Variants in NOVA1 observed in about 807,000 individuals in gnomAD.
NOVA1 encodes RNA-binding protein Nova-1.
A neutral mutation model predicts 38.0 loss-of-function variants in NOVA1; 7 were observed. The ratio of observed to expected loss-of-function variants is 0.18; its 90% CI spans 0.10 to 0.35. The LOEUF (loss-of-function observed/expected upper bound fraction) is 0.35, where lower values mean the gene tolerates loss of function less well. Among genes scored for constraint, NOVA1 ranks in the 10% least tolerant of loss-of-function variants. The pLI, the probability that NOVA1 is intolerant of heterozygous loss-of-function variation, is 1.00. For missense variants in NOVA1, 460 were observed against 616.0 expected (o/e 0.75, Z 2.68); for synonymous variants, 270 against 232.5 (o/e 1.16, Z -1.47).
intron 2 of NOVA1, among the ~76,000 whole-genome samples, chr14:26,498,146 G>A (rs1227960636): frequency 6.6e-6 from 1 of 152,006 alleles, no homozygotes; most frequent in African/African-American, 2.4e-5. Context: ...TGCAAGCTCT[G>A]CCTCCTGGGT....
At chr14:26,458,057 G>A (rs572142823) in intron 4 of NOVA1, among the ~76,000 whole-genome samples, 9 of 152,174 alleles carry the variant, frequency 5.9e-5, no homozygotes, top group Non-Finnish European at 1.2e-4. Flanking sequence ...ACATACATGT[G>A]GCCAACATAC....
intron 2 of NOVA1, among the ~76,000 whole-genome samples, chr14:26,494,526 T>C (rs1259870405): frequency 6.6e-6 from 1 of 152,194 alleles, no homozygotes; most frequent in African/African-American, 2.4e-5. Flanking sequence ...TGGTAAACTG[T>C]AGCCATGAGG....
chr14:26,464,006 T>C (rs146401638), intron 4 of NOVA1, among the ~76,000 whole-genome samples: 248 of 152,300 alleles, frequency 1.6e-3, no homozygotes, highest in Middle Eastern at 3.4e-3. Flanking sequence ...CATTTTACAA[T>C]GAGAAAACAC....
At chr14:26,504,478 AG>A (rs1887477594) in intron 2 of NOVA1, among the ~76,000 whole-genome samples, 1 of 152,204 alleles carries the variant, frequency 6.6e-6, no homozygotes, top group Admixed American at 6.5e-5. Flanking sequence ...TCAAAACCTG[AG>A]AAAGCTATCT....
At chr14:26,577,089 A>G (rs756564523) in intron 2 of NOVA1, among the ~76,000 whole-genome samples, 2 of 152,006 alleles carry the variant, frequency 1.3e-5, no homozygotes, top group Non-Finnish European at 2.9e-5. Flanking sequence ...CCACATACAA[A>G]TAAGGTCACA....
chr14:26,540,901 T>TA (rs1401733835), intron 2 of NOVA1, among the ~76,000 whole-genome samples: 1 of 152,152 alleles, frequency 6.6e-6, no homozygotes, highest in Non-Finnish European at 1.5e-5. Flanking sequence ...GTGGTAAAAC[T>TA]AGTACACAAA....
At chr14:26,475,581 T>C (rs1169959965) in intron 3 of NOVA1, among the ~76,000 whole-genome samples, 1 of 152,172 alleles carries the variant, frequency 6.6e-6, no homozygotes, top group Non-Finnish European at 1.5e-5. Context: ...TTCAGTGCCA[T>C]TTTTTCTTTC....
intron 2 of NOVA1, among the ~76,000 whole-genome samples, chr14:26,543,451 G>A (rs185110464): frequency 3.9e-4 from 59 of 151,956 alleles, no homozygotes; most frequent in Admixed American, 1.4e-3. Flanking sequence ...TCATAATCTG[G>A]TCAGAGAGAC....
At chr14:26,550,495 C>T (rs967574487) in intron 2 of NOVA1, among the ~76,000 whole-genome samples, 1 of 152,140 alleles carries the variant, frequency 6.6e-6, no homozygotes, top group African/African-American at 2.4e-5. Flanking sequence ...AGTTTGAGAT[C>T]ACTTTAGCTC....
intron 2 of NOVA1, among the ~76,000 whole-genome samples, chr14:26,514,320 A>G (rs1888307919): frequency 6.6e-6 from 1 of 151,684 alleles, no homozygotes; most frequent in South Asian, 2.1e-4. Flanking sequence ...TGTACCTCCT[A>G]TCCTTGAGGA....
intron 2 of NOVA1, among the ~76,000 whole-genome samples, chr14:26,585,374 C>T (rs889753433): frequency 4.6e-5 from 7 of 151,186 alleles, no homozygotes; most frequent in Non-Finnish European, 1.0e-4. Context: ...TTTCTTGGCA[C>T]ATTAGAAAAG....
In NOVA1 at chr14:26,597,650, C is replaced by T. The variant is rs2138838997; in HGVS notation, c.-214G>A. The T allele has an allele frequency of 5.0e-6, 6 of 1,203,958 alleles. No homozygotes were observed. Among genetic ancestry groups the T allele is most frequent in the African/African-American group, 1.6e-5 (1 of 61,786 alleles). 74.6% of individuals were successfully genotyped at this position (1,203,958 alleles called of 1,614,324 possible). On this transcript the variant is annotated 5_prime_UTR_variant, in exon 1 of 5. Transcript: ENST00000539517. ...AGGGGGCAGGGCTGAGGAGCAGCTG[C>T]AGTGCAGTGTCAGAAAGGAGACAGG...
In NOVA1 at chr14:26,446,075, T is replaced by A. The variant is rs1251719298; in HGVS notation, c.*1884A>T. On this transcript the variant is annotated 3_prime_UTR_variant, in exon 5 of 5. Transcript: ENST00000539517. ...TTTCTCTTTCATTTAAACAAGCATA[T>A]CATTCCCTTTTAAAATCATTCTCTA... 2 of 152,502 alleles carry A rather than the reference T, an allele frequency of 1.3e-5. No individual in the cohort carries two copies. The highest frequency in any genetic ancestry group is 3.9e-4 in the East Asian group (2 of 5,162). 9.4% of individuals were successfully genotyped at this position (152,502 alleles called of 1,614,324 possible).
intron 2 of NOVA1, among the ~76,000 whole-genome samples, chr14:26,547,459 C>T (rs1890860877): frequency 6.6e-6 from 1 of 152,036 alleles, no homozygotes; most frequent in African/African-American, 2.4e-5. Flanking sequence ...TTTCAAATCC[C>T]ATACACTATG....
chr14:26,481,305 T>C (rs1442179042), intron 2 of NOVA1, among the ~76,000 whole-genome samples: 31 of 152,080 alleles, frequency 2.0e-4, no homozygotes, highest in Non-Finnish European at 2.9e-5. Flanking sequence ...AATTTCAAGG[T>C]ACTTTGTAAA....
At chr14:26,484,198 A>C (rs202056127) in intron 2 of NOVA1, among the ~76,000 whole-genome samples, 1 of 151,698 alleles carries the variant, frequency 6.6e-6, no homozygotes, top group Non-Finnish European at 1.5e-5. Flanking sequence ...ACTTTGGGAG[A>C]CCGAGGCAGG....
intron 2 of NOVA1, among the ~76,000 whole-genome samples, chr14:26,529,423 T>A (rs1319836284): frequency 6.6e-6 from 1 of 151,932 alleles, no homozygotes; most frequent in Non-Finnish European, 1.5e-5. Flanking sequence ...CAGGCATGAG[T>A]CACCACGCCC....
intron 2 of NOVA1, among the ~76,000 whole-genome samples, chr14:26,536,585 A>G (rs1050740846): frequency 1.3e-5 from 2 of 152,020 alleles, no homozygotes; most frequent in African/African-American, 2.4e-5. Flanking sequence ...TAAAGCGAGA[A>G]CTTCTACTCT....
chr14:26,548,107 G>A (rs57064734), intron 2 of NOVA1, among the ~76,000 whole-genome samples: 34,503 of 151,618 alleles, frequency 0.23, 4,366 homozygotes, highest in East Asian at 0.33. Flanking sequence ...AAAAATCTTT[G>A]TAGGAAATCC....
Sources: allele counts gnomAD v4.1 joint callset (sites outside exome capture counted in the v4.1 genomes callset), GRCh38; gene constraint gnomAD v4.1.1; transcripts MANE v1.5; gene names NCBI Gene and HGNC (gene_info 2026-07-23, HGNC 2026-07-21).